Variants in CNTNAP2 observed in about 807,000 individuals in gnomAD.
CNTNAP2 encodes the protein contactin-associated protein-like 2.
A neutral mutation model predicts 155.2 loss-of-function variants in CNTNAP2; 98 were observed. The ratio of observed to expected loss-of-function variants is 0.63; its 90% CI spans 0.54 to 0.75. The LOEUF (loss-of-function observed/expected upper bound fraction) is 0.75, where lower values mean the gene tolerates loss of function less well. Among genes scored for constraint, CNTNAP2 ranks in the 30% least tolerant of loss-of-function variants. CNTNAP2 has a pLI of 0.00. For synonymous variants in CNTNAP2, 651 were observed against 631.2 expected (o/e 1.03, Z -0.47); for missense variants, 1,727 against 1,688.1 (o/e 1.02, Z -0.40).
chr7:147,110,100 T>C (rs1800846193), intron 5 of CNTNAP2, among the ~76,000 whole-genome samples: 1 of 151,946 alleles, frequency 6.6e-6, no homozygotes, highest in South Asian at 2.1e-4. Flanking sequence ...AATTTTTGTA[T>C]TTTTAGTAGA....
intron 16 of CNTNAP2, among the ~76,000 whole-genome samples, chr7:148,119,472 C>A (rs1804554801): frequency 1.3e-5 from 2 of 152,154 alleles, no homozygotes; most frequent in Admixed American, 6.5e-5. Flanking sequence ...GGAGGCGGAG[C>A]TTGCAGTGAG....
chr7:147,056,647 A>T (rs1163191603), intron 4 of CNTNAP2, among the ~76,000 whole-genome samples: 1 of 152,230 alleles, frequency 6.6e-6, no homozygotes, highest in African/African-American at 2.4e-5. Flanking sequence ...TAACGAACAA[A>T]AGCAAGGTTA....
chr7:146,624,565 T>C (rs990618057), intron 1 of CNTNAP2, among the ~76,000 whole-genome samples: 2 of 152,184 alleles, frequency 1.3e-5, no homozygotes, highest in African/African-American at 4.8e-5. Flanking sequence ...TGTGGGTTTA[T>C]TTTACTGGTT....
At chr7:147,479,688 T>C (rs925731267) in intron 10 of CNTNAP2, among the ~76,000 whole-genome samples, 10 of 151,852 alleles carry the variant, frequency 6.6e-5, no homozygotes, top group African/African-American at 2.4e-4. Flanking sequence ...GCTTATCTCA[T>C]CATAGCAAAA....
At chr7:147,278,802 A>G (rs879742780) in intron 8 of CNTNAP2, among the ~76,000 whole-genome samples, 3 of 151,452 alleles carry the variant, frequency 2.0e-5, no homozygotes, top group African/African-American at 4.8e-5. Flanking sequence ...GTCTTTTCGT[A>G]TAATGTTAAG....
chr7:147,544,098 C>A (rs1799686698), intron 11 of CNTNAP2, among the ~76,000 whole-genome samples: 1 of 152,154 alleles, frequency 6.6e-6, no homozygotes, highest in East Asian at 1.9e-4. Context: ...ACTACATGTA[C>A]AAATGAGGCT....
chr7:147,970,465 C>G (rs1801313981), intron 14 of CNTNAP2, among the ~76,000 whole-genome samples: 2 of 152,090 alleles, frequency 1.3e-5, no homozygotes, highest in South Asian at 4.1e-4. Context: ...TGGCTCATGC[C>G]TATAATCCCA....
At chr7:147,731,615 A>G (rs80222012) in intron 13 of CNTNAP2, among the ~76,000 whole-genome samples, 29,369 of 152,162 alleles carry the variant, frequency 0.19, 3,256 homozygotes, top group Middle Eastern at 0.39. Flanking sequence ...CACAACGTCT[A>G]TTCTGAAGCC....
chr7:148,054,737 C>A (rs549146880), intron 15 of CNTNAP2, among the ~76,000 whole-genome samples: 1 of 152,170 alleles, frequency 6.6e-6, no homozygotes, highest in Admixed American at 6.5e-5. Context: ...AAGTCTGACA[C>A]ATTACAAACC....
chr7:148,047,016 A>C (rs1023726830), intron 15 of CNTNAP2, among the ~76,000 whole-genome samples: 19 of 152,148 alleles, frequency 1.2e-4, no homozygotes, highest in African/African-American at 4.3e-4. Flanking sequence ...GTGAATTGGG[A>C]ATAGACTTAA....
chr7:147,274,624 G>T (rs893851552), intron 8 of CNTNAP2, among the ~76,000 whole-genome samples: 1 of 152,062 alleles, frequency 6.6e-6, no homozygotes, highest in Non-Finnish European at 1.5e-5. Flanking sequence ...TCTGTAGGTT[G>T]TCTGTTTATT....
In CNTNAP2 at chr7:146,293,802, A is replaced by T. The variant is rs527500842; in HGVS notation, c.97+176829A>T. Among the ~76,000 whole-genome samples, 85 of 152,316 alleles carry T rather than the reference A, an allele frequency of 5.6e-4. 2 individuals are homozygous for T. The South Asian group carries it at 0.017, about 31-fold the overall frequency. On this transcript the variant is annotated intron_variant, in intron 1 of 23. Coordinates refer to ENST00000361727, the MANE Select transcript of CNTNAP2 (RefSeq NM_014141.6). Reference sequence around the variant, plus strand: ...TTATTAATATACTCTCAAAAACTGTAGAAAAAATAATTTCTAAATAATTTA... The same window carrying T: ...TTATTAATATACTCTCAAAAACTGTTGAAAAAATAATTTCTAAATAATTTA...
chr7:146,633,126 C>A (rs373834003), intron 1 of CNTNAP2, among the ~76,000 whole-genome samples: 1 of 152,232 alleles, frequency 6.6e-6, no homozygotes, highest in East Asian at 1.9e-4. Context: ...CCTTTCCCAG[C>A]TGGAGGCATC....
At chr7:148,157,571 C>CAAAAAAAAAAAAAAAAAAAAAAA (rs60716582) in intron 17 of CNTNAP2, among the ~76,000 whole-genome samples, 3 of 111,222 alleles carry the variant, frequency 2.7e-5, no homozygotes, top group Non-Finnish European at 5.4e-5. Flanking sequence ...GCAGAAGCAG[C>CAAAAAAAAAAAAAAAAAAAAAAA]AAAAAAAAAA....
intron 1 of CNTNAP2, among the ~76,000 whole-genome samples, chr7:146,482,895 T>A (rs1010087736): frequency 4.6e-5 from 7 of 152,148 alleles, no homozygotes; most frequent in African/African-American, 1.7e-4. Flanking sequence ...CATTACTTAA[T>A]GTCCATAAAC....
At chr7:147,275,910 T>A (rs1804885112) in intron 8 of CNTNAP2, among the ~76,000 whole-genome samples, 1 of 152,048 alleles carries the variant, frequency 6.6e-6, no homozygotes, top group South Asian at 2.1e-4. Context: ...TCTGCACCTA[T>A]TGAGTTGATC....
chr7:148,217,230 T>C (rs1019911336), intron 18 of CNTNAP2, 58 bp from the exon 19 acceptor site: 6 of 1,551,404 alleles, frequency 3.9e-6, no homozygotes, highest in African/African-American at 2.7e-5. Context: ...GAGGTCATTG[T>C]AGGGTATCGG....
At chr7:147,659,524 C>A in intron 13 of CNTNAP2, among the ~76,000 whole-genome samples, 1 of 152,082 alleles carries the variant, frequency 6.6e-6, no homozygotes, top group East Asian at 1.9e-4. Context: ...TCTATCTGTG[C>A]ATTATTGTTA....
chr7:146,150,260 T>C (rs1212865091), intron 1 of CNTNAP2, among the ~76,000 whole-genome samples: 1 of 152,114 alleles, frequency 6.6e-6, no homozygotes. Flanking sequence ...ATACCAATTG[T>C]TGGTGAAGAG....
Sources: gnomAD v4.1 joint callset for allele counts (sites outside exome capture counted in the v4.1 genomes callset) on GRCh38, gnomAD v4.1.1 for gene constraint, MANE v1.5 for transcripts, NCBI Gene and HGNC (gene_info 2026-07-23, HGNC 2026-07-21) for gene names.